GALNT16: variants seen among roughly 807,000 people sequenced by gnomAD.
GALNT16 encodes polypeptide N-acetylgalactosaminyltransferase 16, also known as UDP-GalNAc:polypeptide N-acetylgalactosaminyltransferase-like protein 1.
Under a neutral mutation model 76.1 loss-of-function variants are expected in GALNT16, and 40 were observed. The observed-to-expected ratio is 0.53, with a 90% confidence interval of 0.41 to 0.68. The LOEUF is 0.68. Ranked by LOEUF, GALNT16 falls within the 30% of genes least tolerant of loss-of-function variation. GALNT16 has a pLI of 0.00. For synonymous variants in GALNT16, 276 were observed against 285.2 expected (o/e 0.97, Z 0.32); for missense variants, 621 against 731.9 (o/e 0.85, Z 1.75).
chr14:69,320,559 C>G (rs2045164189), intron 1 of GALNT16, 152 bp from the exon 2 acceptor site: 1 of 612,662 alleles, frequency 1.6e-6, no homozygotes, highest in Non-Finnish European at 2.9e-6. Context: ...CTCTTCTGTA[C>G]AGTGGGGGAG....
At chr14:69,363,187 T>C in the GALNT16 span, among the ~76,000 whole-genome samples, 1 of 152,150 alleles carries the variant, frequency 6.6e-6, no homozygotes, top group South Asian at 2.1e-4. Context: ...GCGGAGACAG[T>C]CCTCGGCCAG....
At chr14:69,318,392 G>A (rs2045131983) in intron 1 of GALNT16, among the ~76,000 whole-genome samples, 1 of 152,228 alleles carries the variant, frequency 6.6e-6, no homozygotes. Context: ...AAGTGGGGAA[G>A]GCAGCAGGCT....
chr14:69,277,508 A>G (rs1380925645), intron 1 of GALNT16, among the ~76,000 whole-genome samples: 1 of 152,226 alleles, frequency 6.6e-6, no homozygotes, highest in Admixed American at 6.5e-5. Flanking sequence ...TTTGCTCAGA[A>G]TGATGGTTTC....
intron 1 of GALNT16, among the ~76,000 whole-genome samples, chr14:69,266,497 CT>C (rs2140098850): frequency 6.6e-6 from 1 of 152,336 alleles, no homozygotes; most frequent in African/African-American, 2.4e-5. Context: ...ATTGAGCCAA[CT>C]TTCAGAAAAG....
At position 69,260,444 on chromosome 14, in the gene GALNT16, G is replaced by T; in HGVS notation, c.154G>T (p.Glu52Ter). The T allele has an allele frequency of 6.4e-7, 1 of 1,569,174 alleles. No homozygotes were observed. The change falls in exon 1 of 15, where the codon GAG (glutamate) becomes TAG (stop). Residue 52 changes from glutamate to a stop codon, truncating the protein, a stop_gained. Coordinates refer to ENST00000448469, the MANE Select transcript of GALNT16 (RefSeq NM_001168368.2). LOFTEE classifies it high-confidence loss of function. ...AGGCAGGAGGTCGGAGCAGCTCCGC[G>T]AGGACCGCACCATCCCGCTCATTGT... Reference protein sequence around the residue: ...RAGRRSEQLREDRTIPLIVTG... With the variant: ...RAGRRSEQLR
chr14:69,262,339 G>A (rs1166264881), intron 1 of GALNT16, among the ~76,000 whole-genome samples: 2 of 152,200 alleles, frequency 1.3e-5, no homozygotes, highest in Non-Finnish European at 2.9e-5. Context: ...AGTCCTGTAA[G>A]ATGCACTGGG....
At chr14:69,342,170 A>G (rs1449655375) in intron 12 of GALNT16, among the ~76,000 whole-genome samples, 1 of 152,074 alleles carries the variant, frequency 6.6e-6, no homozygotes, top group East Asian at 1.9e-4. Context: ...AGAAACCGCC[A>G]GGCACAGTGG....
chr14:69,380,817 A>G, the GALNT16 span, among the ~76,000 whole-genome samples: 2 of 152,248 alleles, frequency 1.3e-5, no homozygotes, highest in Non-Finnish European at 2.9e-5. Context: ...CATGAACTTT[A>G]TATCACCTAG....
the GALNT16 span, among the ~76,000 whole-genome samples, chr14:69,377,373 A>C: frequency 6.6e-6 from 1 of 152,190 alleles, no homozygotes; most frequent in Non-Finnish European, 1.5e-5. Context: ...TTTTACCATT[A>C]ATAGAGATAT....
chr14:69,341,806 G>T (rs202095390), intron 12 of GALNT16, 42 bp downstream of exon 12: 16 of 1,374,116 alleles, frequency 1.2e-5, no homozygotes, highest in South Asian at 2.4e-5. Context: ...AGGCGGGTAG[G>T]GGGTGGTTGG....
In GALNT16 at chr14:69,333,210, T is replaced by C; in HGVS notation, c.863+41T>C. On this transcript the variant is annotated intron_variant, in intron 8 of 14. Transcript: ENST00000448469. This position sits in a 1 kb window ranked among gnomAD's most constrained non-coding sequence, Gnocchi z 4.2. ...GGCTCTGGGGGACCCCTTCCTTCCC[T>C]GGGTCAGGGGCCTGGGAGGCTCTTG... is the stretch of plus-strand genomic sequence containing the variant. The C allele has an allele frequency of 2.2e-6, 3 of 1,375,592 alleles. No individual in the cohort carries two copies. Among genetic ancestry groups the C allele is most frequent in the East Asian group, 2.3e-5 (1 of 43,642 alleles). 85.2% of individuals were successfully genotyped at this position (1,375,592 alleles called of 1,614,324 possible).
chr14:69,343,325 G>T (rs1408099634), intron 12 of GALNT16, among the ~76,000 whole-genome samples: 2 of 152,218 alleles, frequency 1.3e-5, no homozygotes, highest in Non-Finnish European at 1.5e-5. Flanking sequence ...CCATTAAGTT[G>T]TAGCCAAGTG....
the GALNT16 span, among the ~76,000 whole-genome samples, chr14:69,367,442 T>TCTGCAAC: frequency 2.0e-5 from 3 of 151,804 alleles, no homozygotes; most frequent in Non-Finnish European, 2.9e-5. Flanking sequence ...AAGGTGGCCA[T>TCTGCAAC]CTGCAACCTG....
chr14:69,311,138 T>C (rs1147477), intron 1 of GALNT16, among the ~76,000 whole-genome samples: 61,494 of 151,928 alleles, frequency 0.4, 13,216 homozygotes, highest in East Asian at 0.84. Context: ...ATTGATTTCT[T>C]ACAGTTTCAG....
intron 1 of GALNT16, among the ~76,000 whole-genome samples, chr14:69,286,380 G>A (rs2044612475): frequency 6.7e-6 from 1 of 149,632 alleles, no homozygotes; most frequent in Non-Finnish European, 1.5e-5. Flanking sequence ...TCAGCTCACT[G>A]CAACCTCTGG....
chr14:69,330,139 A>C (rs2045335488), intron 6 of GALNT16, among the ~76,000 whole-genome samples: 1 of 152,226 alleles, frequency 6.6e-6, no homozygotes, highest in South Asian at 2.1e-4. Flanking sequence ...ACTTCAGAGC[A>C]GCACTATTCA....
chr14:69,303,095 G>C (rs1361441237), intron 1 of GALNT16, among the ~76,000 whole-genome samples: 3 of 152,148 alleles, frequency 2.0e-5, no homozygotes, highest in African/African-American at 4.8e-5. Context: ...AATCAAAATT[G>C]CTAGACCAGA....
the GALNT16 span, among the ~76,000 whole-genome samples, chr14:69,378,038 T>G: frequency 6.6e-6 from 1 of 152,122 alleles, no homozygotes; most frequent in Non-Finnish European, 1.5e-5. Flanking sequence ...TTTAGGACAG[T>G]ACAAAATTAT....
intron 4 of GALNT16, 129 bp downstream of exon 4, chr14:69,325,533 T>C (rs1283630416): frequency 2.9e-6 from 2 of 699,850 alleles, no homozygotes; most frequent in East Asian, 2.6e-5. Flanking sequence ...GCAGGGATCC[T>C]GTCTTTTCTA....
Sources: allele counts gnomAD v4.1 joint callset (sites outside exome capture counted in the v4.1 genomes callset), GRCh38; gene constraint gnomAD v4.1.1; non-coding constraint Gnocchi (gnomAD v3.1); transcripts MANE v1.5; gene names NCBI Gene and HGNC (gene_info 2026-07-23, HGNC 2026-07-21).